The following MYO10 variants were observed in gnomAD, a reference collection of about 807,000 sequenced individuals.
MYO10 encodes unconventional myosin-X.
MYO10 carries 133 observed loss-of-function variants against 257.3 expected under a neutral mutation model. That is an observed-to-expected ratio of 0.52 (90% CI 0.45 to 0.60). MYO10 has a LOEUF of 0.60. Ranked by LOEUF, MYO10 falls within the 20% of genes least tolerant of loss-of-function variation. MYO10 has a pLI of 0.00. For missense variants in MYO10, 2,399 were observed against 2,635.7 expected (o/e 0.91, Z 1.97); for synonymous variants, 1,104 against 1,028.6 (o/e 1.07, Z -1.40).
chr5:16,837,143 T>C lies in MYO10; in HGVS notation c.121-18976A>G, dbSNP rs529015533. ...CTGACCAACATGGAGAAACCCCATC[T>C]CTACTAAAAATACAAAATTAGCAGG... On this transcript the variant is annotated intron_variant, in intron 2 of 40. Transcript: ENST00000513610. Among the ~76,000 whole-genome samples, 217 of 152,146 alleles carry C rather than the reference T, an allele frequency of 1.4e-3. 1 individual carries two copies. The highest frequency in any genetic ancestry group is 5.1e-3 in the African/African-American group (210 of 41,518).
chr5:16,794,050 A>T (rs1187192959), intron 4 of MYO10, among the ~76,000 whole-genome samples: 1 of 152,132 alleles, frequency 6.6e-6, no homozygotes, highest in Non-Finnish European at 1.5e-5. Flanking sequence ...TAAAATAGAC[A>T]TGCCAAGTGC....
At chr5:16,702,691 A>G (rs1334977964) in intron 23 of MYO10, 103 bp from the exon 24 acceptor site, 1 of 1,171,046 alleles carries the variant, frequency 8.5e-7, no homozygotes, top group Non-Finnish European at 1.2e-6. Context: ...GACAGAAAGC[A>G]TGAAAGACAG....
intron 4 of MYO10, among the ~76,000 whole-genome samples, chr5:16,792,172 C>G (rs1395166762): frequency 2.5e-3 from 346 of 138,964 alleles, no homozygotes; most frequent in African/African-American, 9.4e-3. Flanking sequence ...GAGGGAGAGA[C>G]AGAGACAGAC....
rs75098631 is a variant in MYO10 at position 16,774,303 on chromosome 5, G to T, written c.931-5100C>A. On this transcript the variant is annotated intron_variant, in intron 9 of 40. Coordinates refer to ENST00000513610, the MANE Select transcript of MYO10 (RefSeq NM_012334.3). ...GTCACCCTCAGAGAAGGTACCTCCA[G>T]AAGAAGTCAACAAATGGTGTGTCTG... Among the ~76,000 whole-genome samples, 314 of 152,316 alleles carry T rather than the reference G, an allele frequency of 2.1e-3. 8 individuals are homozygous for T. The East Asian group carries it at 0.053, about 26-fold the overall frequency.
Position 16,787,967 on chromosome 5 carries a change from A to C in MYO10, c.468-4498T>G, listed in dbSNP as rs184315255. 1.1e-4 allele frequency among the ~76,000 whole-genome samples: 17 copies of C among 151,970 alleles called. No individual in the cohort carries two copies. The East Asian group carries it at 3.3e-3, about 30-fold the overall frequency. On this transcript the variant is annotated intron_variant, in intron 4 of 40. Coordinates refer to ENST00000513610, the MANE Select transcript of MYO10 (RefSeq NM_012334.3). Reference sequence around the variant, plus strand: ...GCCACCACGCCCAGCTAATTTTTGTAATTTTTAGTAGAGACGGAGTTTCAC... The same window carrying C: ...GCCACCACGCCCAGCTAATTTTTGTCATTTTTAGTAGAGACGGAGTTTCAC...
At chr5:16,771,974 T>G (rs966730763) in intron 9 of MYO10, among the ~76,000 whole-genome samples, 2 of 152,060 alleles carry the variant, frequency 1.3e-5, no homozygotes, top group Non-Finnish European at 2.9e-5. Context: ...ATAATTTCAA[T>G]GCTGAAAATT....
chr5:16,780,349 T>C (rs185186867), intron 8 of MYO10, among the ~76,000 whole-genome samples, 175 bp downstream of exon 8: 20 of 152,296 alleles, frequency 1.3e-4, no homozygotes, highest in Admixed American at 6.5e-4. Flanking sequence ...GATAATTTTC[T>C]CCCTATTATT....
intron 2 of MYO10, among the ~76,000 whole-genome samples, chr5:16,823,468 A>AGTTTTTTTTTT (rs1554000170): frequency 1.6e-4 from 1 of 6,448 alleles, no homozygotes; most frequent in Non-Finnish European, 2.8e-4. Flanking sequence ...GGGAGTGGGG[A>AGTTTTTTTTTT]TTTTTTTTTT....
chr5:16,722,380 TC>T (rs1187395438), intron 19 of MYO10, among the ~76,000 whole-genome samples: 2 of 152,160 alleles, frequency 1.3e-5, no homozygotes, highest in African/African-American at 2.4e-5. Context: ...TCAGATACAC[TC>T]TCACTTACGC....
chr5:16,687,749 A>G (rs932730863), intron 28 of MYO10, among the ~76,000 whole-genome samples: 5 of 152,004 alleles, frequency 3.3e-5, no homozygotes, highest in Non-Finnish European at 7.4e-5. Context: ...CAAGGAAAAC[A>G]CTTTAATATA....
chr5:16,880,605 TA>T (rs1419271671), intron 1 of MYO10, among the ~76,000 whole-genome samples: 5 of 152,194 alleles, frequency 3.3e-5, no homozygotes, highest in African/African-American at 1.2e-4. Context: ...AAATGAATAT[TA>T]AGTGCTCCTA....
At chr5:16,772,783 G>A (rs1741094332) in intron 9 of MYO10, among the ~76,000 whole-genome samples, 1 of 152,194 alleles carries the variant, frequency 6.6e-6, no homozygotes, top group Non-Finnish European at 1.5e-5. Context: ...AGTGATACGT[G>A]CCACATGGAT....
intron 1 of MYO10, chr5:16,902,514 T>C: frequency 6.4e-7 from 1 of 1,574,656 alleles, no homozygotes; most frequent in African/African-American, 1.3e-5. Flanking sequence ...CTCCACTATG[T>C]TTCGAATGAC....
At position 16,869,282 on chromosome 5, in the gene MYO10, A is replaced by G. The variant is rs185659965; in HGVS notation, c.120+8327T>C. Among the ~76,000 whole-genome samples the G allele has an allele frequency of 7.1e-4, 103 of 145,534 alleles. No homozygotes were observed. In the Middle Eastern group the frequency reaches 0.011, roughly 16 times the overall value. On this transcript the variant is annotated intron_variant, in intron 2 of 40. Transcript: ENST00000513610. ...TCTCGATCTCCTGACCTCATGATCC[A>G]CCCACCTCGGCCTCCCAAAGTGCTG...
intron 1 of MYO10, among the ~76,000 whole-genome samples, chr5:16,878,285 A>T (rs1744661460): frequency 6.6e-6 from 1 of 152,192 alleles, no homozygotes; most frequent in African/African-American, 2.4e-5. Context: ...TCCATGTGTA[A>T]ACTGGACTCT....
intron 2 of MYO10, among the ~76,000 whole-genome samples, chr5:16,819,916 G>A (rs1742746504): frequency 6.6e-6 from 1 of 152,200 alleles, no homozygotes; most frequent in African/African-American, 2.4e-5. Flanking sequence ...ACTGCTCGAG[G>A]CCAAGATAGG....
rs759790787 is a variant in MYO10 at position 16,764,207 on chromosome 5, T to C, written c.1326+43A>G. 6.2e-6 allele frequency: 10 copies of C among 1,602,336 alleles called. No individual in the cohort carries two copies. In the South Asian group the frequency reaches 7.8e-5, roughly 13 times the overall value. Reference sequence around the variant, plus strand: ...AGATTTGTTCAATAGCAGCTAATCATGGACAGAAGAGAATTCACGTGCTGC... The same window carrying C: ...AGATTTGTTCAATAGCAGCTAATCACGGACAGAAGAGAATTCACGTGCTGC... On this transcript the variant is annotated intron_variant, in intron 12 of 40. Transcript: ENST00000513610.
chr5:16,679,744 T>C (rs1212455074), intron 33 of MYO10, among the ~76,000 whole-genome samples: 3 of 152,064 alleles, frequency 2.0e-5, no homozygotes. Context: ...AGGTTGGTCT[T>C]GAACTCCTGA....
At chr5:16,881,269 T>C (rs1744748478) in intron 1 of MYO10, among the ~76,000 whole-genome samples, 1 of 152,254 alleles carries the variant, frequency 6.6e-6, no homozygotes, top group Admixed American at 6.5e-5. Context: ...GCAGGATTAA[T>C]ATGTACCCTT....
Sources: gnomAD v4.1 joint callset for allele counts (sites outside exome capture counted in the v4.1 genomes callset) on GRCh38, gnomAD v4.1.1 for gene constraint, MANE v1.5 for transcripts, NCBI Gene and HGNC (gene_info 2026-07-23, HGNC 2026-07-21) for gene names.